PTPRT: variants seen among roughly 807,000 people sequenced by gnomAD.
PTPRT encodes the protein receptor-type tyrosine-protein phosphatase T.
A neutral mutation model predicts 176.8 loss-of-function variants in PTPRT; 56 were observed. The ratio of observed to expected loss-of-function variants is 0.32; its 90% CI spans 0.26 to 0.40. PTPRT has a LOEUF of 0.40. PTPRT is among the 10% of genes least tolerant of loss of function. The pLI is 1.00. For missense variants in PTPRT, 1,540 were observed against 1,908.2 expected (o/e 0.81, Z 3.60); for synonymous variants, 783 against 739.0 (o/e 1.06, Z -0.96).
intron 2 of PTPRT, among the ~76,000 whole-genome samples, chr20:42,800,932 G>A (rs750005860): frequency 7.9e-5 from 12 of 152,164 alleles, no homozygotes; most frequent in Admixed American, 6.5e-5. Context: ...CCCTTACCAC[G>A]ACTGGGTCTG....
At chr20:42,183,827 G>A (rs1990619107) in intron 16 of PTPRT, among the ~76,000 whole-genome samples, 1 of 152,094 alleles carries the variant, frequency 6.6e-6, no homozygotes, top group African/African-American at 2.4e-5. Flanking sequence ...GGCTAGTTCT[G>A]AGCCTAGTTT....
chr20:42,218,936 G>A (rs1016788284), intron 15 of PTPRT, among the ~76,000 whole-genome samples: 4 of 152,226 alleles, frequency 2.6e-5, no homozygotes, highest in African/African-American at 9.7e-5. Context: ...ACAGACAGCC[G>A]GTGGGCTGTT....
intron 11 of PTPRT, among the ~76,000 whole-genome samples, chr20:42,348,508 T>C (rs941267203): frequency 6.6e-6 from 1 of 152,196 alleles, no homozygotes; most frequent in Non-Finnish European, 1.5e-5. Flanking sequence ...GAACTAAGTT[T>C]AAATTTTGCC....
At chr20:42,882,817 A>T (rs757679569) in intron 2 of PTPRT, among the ~76,000 whole-genome samples, 1 of 152,220 alleles carries the variant, frequency 6.6e-6, no homozygotes, top group Non-Finnish European at 1.5e-5. Flanking sequence ...GCTACTAAGG[A>T]CAAGTGCAAG....
intron 1 of PTPRT, among the ~76,000 whole-genome samples, chr20:43,115,855 G>T (rs2013040177): frequency 6.6e-6 from 1 of 152,190 alleles, no homozygotes; most frequent in Non-Finnish European, 1.5e-5. Flanking sequence ...CAAACCAGGA[G>T]CCTGAGGAAG....
intron 7 of PTPRT, among the ~76,000 whole-genome samples, chr20:42,491,530 C>T (rs112089630): frequency 7.2e-5 from 11 of 152,240 alleles, no homozygotes; most frequent in African/African-American, 2.4e-4. Context: ...TTTAGGGGTC[C>T]ACCTTCAAAG....
intron 1 of PTPRT, among the ~76,000 whole-genome samples, chr20:43,079,818 C>A (rs988297914): frequency 9.9e-5 from 15 of 152,084 alleles, no homozygotes; most frequent in Non-Finnish European, 2.1e-4. Context: ...AACCATTTTT[C>A]TTTTCCCTTC....
intron 14 of PTPRT, among the ~76,000 whole-genome samples, chr20:42,245,111 T>C (rs934234435): frequency 1.3e-5 from 2 of 152,174 alleles, no homozygotes; most frequent in Admixed American, 6.5e-5. Flanking sequence ...GGGTACCCAT[T>C]ACAGAACATT....
the PTPRT span, among the ~76,000 whole-genome samples, chr20:42,051,373 T>A: frequency 6.6e-6 from 1 of 152,190 alleles, no homozygotes; most frequent in South Asian, 2.1e-4. Flanking sequence ...ATTTGCGTGG[T>A]GACCCCAGGA....
chr20:42,645,970 T>A lies in PTPRT; in HGVS notation c.1153+31896A>T, dbSNP rs1188349942. Among the ~76,000 whole-genome samples, 2 of 152,132 alleles carry A rather than the reference T, an allele frequency of 1.3e-5. 1 individual carries two copies. Among genetic ancestry groups the A allele is most frequent in the African/African-American group, 4.8e-5 (2 of 41,394 alleles). Reference sequence around the variant, plus strand: ...TTGATAACTGAATGAAAAGAATCCATGTGAAGCACCTACCACTCTTCCTGG... The same window carrying A: ...TTGATAACTGAATGAAAAGAATCCAAGTGAAGCACCTACCACTCTTCCTGG... On this transcript the variant is annotated intron_variant, in intron 7 of 30. Transcript: ENST00000373187.
intron 11 of PTPRT, among the ~76,000 whole-genome samples, chr20:42,350,014 A>G (rs1435342055): frequency 6.6e-6 from 1 of 152,156 alleles, no homozygotes; most frequent in African/African-American, 2.4e-5. Flanking sequence ...AGGTCTTGTC[A>G]GATTTGTGAT....
At chr20:42,237,805 T>C (rs1020341996) in intron 14 of PTPRT, among the ~76,000 whole-genome samples, 2 of 152,228 alleles carry the variant, frequency 1.3e-5, no homozygotes, top group Non-Finnish European at 2.9e-5. Context: ...CAATAAATGA[T>C]ACATTTATAG....
intron 2 of PTPRT, among the ~76,000 whole-genome samples, chr20:42,824,311 G>A (rs1166662096): frequency 1.4e-5 from 2 of 146,362 alleles, no homozygotes; most frequent in East Asian, 3.9e-4. Context: ...TCTCTCTTTT[G>A]TTTTGTTTTG....
At chr20:42,628,170 G>A (rs773057141) in intron 7 of PTPRT, among the ~76,000 whole-genome samples, 5 of 152,104 alleles carry the variant, frequency 3.3e-5, no homozygotes, top group Non-Finnish European at 7.4e-5. Flanking sequence ...CACTTCCGTG[G>A]GGGATTTTAA....
At chr20:42,969,701 T>A (rs1252760119) in intron 1 of PTPRT, 4 of 152,174 alleles carry the variant, frequency 2.6e-5, no homozygotes, top group Non-Finnish European at 5.9e-5. Flanking sequence ...AAGATTTGAG[T>A]TAAAGTGATA....
intron 1 of PTPRT, among the ~76,000 whole-genome samples, chr20:43,074,719 A>T (rs1250703731): frequency 6.6e-6 from 1 of 152,190 alleles, no homozygotes. Flanking sequence ...CTGTAAAAAG[A>T]GAGAGTTGAA....
intron 11 of PTPRT, 37 bp from the exon 12 acceptor site, chr20:42,316,033 C>T (rs2057716732): frequency 6.2e-7 from 1 of 1,605,428 alleles, no homozygotes; most frequent in South Asian, 1.1e-5. Context: ...GGTTGAGCAA[C>T]TTTCTGGAAG....
chr20:42,533,403 G>A (rs1483846882), intron 7 of PTPRT, among the ~76,000 whole-genome samples: 2 of 152,164 alleles, frequency 1.3e-5, no homozygotes, highest in African/African-American at 4.8e-5. Context: ...TCTTTCTGAA[G>A]ACCACAGATG....
chr20:43,086,510 C>G (rs2011608235), intron 1 of PTPRT, among the ~76,000 whole-genome samples: 1 of 152,194 alleles, frequency 6.6e-6, no homozygotes, highest in Non-Finnish European at 1.5e-5. Flanking sequence ...AAACCTTTAA[C>G]TAGAGGGGAC....
Sources: gnomAD v4.1 joint callset for allele counts (sites outside exome capture counted in the v4.1 genomes callset) on GRCh38, gnomAD v4.1.1 for gene constraint, MANE v1.5 for transcripts, NCBI Gene and HGNC (gene_info 2026-07-23, HGNC 2026-07-21) for gene names.